Variants in ZBTB7C observed in about 807,000 individuals in gnomAD.
The protein encoded by ZBTB7C is zinc finger and BTB domain containing 7C.
A neutral mutation model predicts 25.7 loss-of-function variants in ZBTB7C; 8 were observed. The observed-to-expected ratio is 0.31, with a 90% CI of 0.18 to 0.56. The LOEUF (loss-of-function observed/expected upper bound fraction) is 0.56. Among genes scored for constraint, ZBTB7C ranks in the 20% least tolerant of loss-of-function variants. The probability of loss-of-function intolerance (pLI) is 0.91; values close to 1 mark genes in which losing one functional copy is unlikely to be tolerated. For synonymous variants in ZBTB7C, 394 were observed against 369.0 expected (o/e 1.07, Z -0.78); for missense variants, 824 against 855.2 (o/e 0.96, Z 0.46).
intron 2 of ZBTB7C, among the ~76,000 whole-genome samples, chr18:48,214,036 G>A (rs2042765779): frequency 6.6e-6 from 1 of 152,244 alleles, no homozygotes; most frequent in African/African-American, 2.4e-5. Flanking sequence ...GCACCACTTA[G>A]AGGCCACTGT....
intron 1 of ZBTB7C, among the ~76,000 whole-genome samples, chr18:48,389,055 T>C (rs1195940102): frequency 6.6e-6 from 1 of 152,170 alleles, no homozygotes; most frequent in African/African-American, 2.4e-5. Flanking sequence ...CCCTTCTGAG[T>C]CATCACACTT....
At chr18:48,156,585 G>A (rs561322751) in intron 3 of ZBTB7C, among the ~76,000 whole-genome samples, 1 of 152,296 alleles carries the variant, frequency 6.6e-6, no homozygotes, top group East Asian at 1.9e-4. Context: ...GGCCGATGGA[G>A]CCACCAGATT....
intron 3 of ZBTB7C, among the ~76,000 whole-genome samples, chr18:48,113,707 A>T (rs2039326687): frequency 6.6e-6 from 1 of 152,266 alleles, no homozygotes; most frequent in Non-Finnish European, 1.5e-5. Flanking sequence ...CCCTCCACAC[A>T]GATTCCATCT....
At chr18:48,117,601 C>T (rs2144701271) in intron 3 of ZBTB7C, among the ~76,000 whole-genome samples, 1 of 152,296 alleles carries the variant, frequency 6.6e-6, no homozygotes, top group South Asian at 2.1e-4. Context: ...TGTAAGGGTT[C>T]AGTAAGTTAA....
At chr18:48,122,810 A>G (rs1568236142) in intron 3 of ZBTB7C, among the ~76,000 whole-genome samples, 1 of 152,216 alleles carries the variant, frequency 6.6e-6, no homozygotes, top group African/African-American at 2.4e-5. Context: ...CCTCCACTCT[A>G]TTAGCACCAT....
chr18:48,238,492 G>C (rs909542086), intron 2 of ZBTB7C, among the ~76,000 whole-genome samples: 1 of 152,228 alleles, frequency 6.6e-6, no homozygotes, highest in African/African-American at 2.4e-5. Flanking sequence ...GTCTGCCTCT[G>C]AACACACATC....
intron 1 of ZBTB7C, among the ~76,000 whole-genome samples, chr18:48,373,660 T>C (rs2047443171): frequency 6.6e-6 from 1 of 152,194 alleles, no homozygotes; most frequent in African/African-American, 2.4e-5. Flanking sequence ...ACATGAGATC[T>C]GGTTATTTAA....
intron 1 of ZBTB7C, among the ~76,000 whole-genome samples, chr18:48,408,130 C>T (rs1392176711): frequency 2.0e-5 from 3 of 152,252 alleles, no homozygotes; most frequent in East Asian, 1.9e-4. Flanking sequence ...ATACAGGCAG[C>T]GCACGCCACC....
chr18:48,081,991 T>C (rs1230434176), intron 3 of ZBTB7C, among the ~76,000 whole-genome samples: 2 of 152,252 alleles, frequency 1.3e-5, no homozygotes, highest in African/African-American at 2.4e-5. Context: ...ATTTTTGTAA[T>C]GTGACTATGA....
chr18:48,402,384 C>G (rs2048180463), intron 1 of ZBTB7C, among the ~76,000 whole-genome samples: 1 of 152,008 alleles, frequency 6.6e-6, no homozygotes, highest in Non-Finnish European at 1.5e-5. Context: ...TTCTAAGGAA[C>G]ACGATGACTT....
At chr18:48,286,669 G>C (rs2045064741) in intron 2 of ZBTB7C, among the ~76,000 whole-genome samples, 1 of 152,176 alleles carries the variant, frequency 6.6e-6, no homozygotes, top group African/African-American at 2.4e-5. Context: ...CAATAAGCAA[G>C]GATATGTTTT....
At chr18:48,112,093 ATAAG>A (rs1275792938) in intron 3 of ZBTB7C, among the ~76,000 whole-genome samples, 1 of 152,136 alleles carries the variant, frequency 6.6e-6, no homozygotes, top group Non-Finnish European at 1.5e-5. Flanking sequence ...AAAAATATAG[ATAAG>A]TATTTTACTG....
chr18:48,144,038 G>A (rs1054421219), intron 3 of ZBTB7C, among the ~76,000 whole-genome samples: 1 of 152,188 alleles, frequency 6.6e-6, no homozygotes, highest in Admixed American at 6.5e-5. Flanking sequence ...AGCACTTTGG[G>A]AGGCCGAGGT....
intron 3 of ZBTB7C, among the ~76,000 whole-genome samples, chr18:48,120,782 T>C (rs970920839): frequency 3.9e-5 from 6 of 152,172 alleles, no homozygotes; most frequent in Middle Eastern, 3.2e-3. Flanking sequence ...CCCCATTCAC[T>C]TGGAGACTAA....
chr18:48,150,653 A>G (rs989968451), intron 3 of ZBTB7C: 2 of 151,936 alleles, frequency 1.3e-5, no homozygotes, highest in Non-Finnish European at 2.9e-5. Flanking sequence ...TTAAGCTAAT[A>G]GGGGTAAAAC....
intron 2 of ZBTB7C, among the ~76,000 whole-genome samples, chr18:48,241,253 G>A (rs2043514466): frequency 6.6e-6 from 1 of 152,124 alleles, no homozygotes; most frequent in Non-Finnish European, 1.5e-5. Context: ...CAATAATAGT[G>A]GGGGACTTCA....
At chr18:48,171,855 A>G (rs957111426) in intron 3 of ZBTB7C, among the ~76,000 whole-genome samples, 9 of 152,364 alleles carry the variant, frequency 5.9e-5, no homozygotes, top group Admixed American at 3.3e-4. Flanking sequence ...CAGACAATTT[A>G]AGTGGCTTCC....
At chr18:48,409,745 G>C (rs2048361759), upstream of ZBTB7C, among the ~76,000 whole-genome samples, 1 of 152,218 alleles carries the variant, frequency 6.6e-6, no homozygotes, top group Non-Finnish European at 1.5e-5. Flanking sequence ...GGCGGAGTGG[G>C]GGGGCCGGGC....
At chr18:48,318,428 C>T (rs373569099) in intron 2 of ZBTB7C, among the ~76,000 whole-genome samples, 3 of 152,006 alleles carry the variant, frequency 2.0e-5, no homozygotes, top group East Asian at 1.9e-4. Flanking sequence ...TCTGCCTTCC[C>T]GGCTGGTCAG....
Sources: allele counts gnomAD v4.1 joint callset (sites outside exome capture counted in the v4.1 genomes callset), GRCh38; gene constraint gnomAD v4.1.1; transcripts MANE v1.5; gene names NCBI Gene and HGNC (gene_info 2026-07-23, HGNC 2026-07-21).